The following CMSS1 variants were observed in gnomAD, a reference collection of about 807,000 sequenced individuals.
The protein encoded by CMSS1 is cms1 ribosomal small subunit homolog, also known as protein CMSS1.
CMSS1 carries 33 observed loss-of-function variants against 43.5 expected under a neutral mutation model. The observed-to-expected ratio is 0.76, with a 90% CI of 0.57 to 1.01. The LOEUF is 1.01. CMSS1 is among the 50% of genes least tolerant of loss of function. The pLI is 0.00. For missense variants in CMSS1, 313 were observed against 326.4 expected (o/e 0.96, Z 0.32); for synonymous variants, 115 against 117.2 (o/e 0.98, Z 0.12).
At chr3:100,046,753 C>T (rs2065285021) in intron 1 of CMSS1, among the ~76,000 whole-genome samples, 2 of 152,128 alleles carry the variant, frequency 1.3e-5, no homozygotes, top group Non-Finnish European at 1.5e-5. Context: ...TGGTTTTGAA[C>T]CCTTCAAACC....
rs542919299 is a variant in CMSS1 at position 99,995,028 on chromosome 3, A to G, written c.65-151945A>G. Among the ~76,000 whole-genome samples the G allele has an allele frequency of 4.6e-5, 7 of 152,184 alleles. No homozygotes were observed. The East Asian group carries it at 1.4e-3, about 29-fold the overall frequency. ...CTCATGTCCTCACATTTCAAAACCAATCATGCCTTCCCAACAGCACCCAAA... is the reference window on the plus strand; with the variant it reads ...CTCATGTCCTCACATTTCAAAACCAGTCATGCCTTCCCAACAGCACCCAAA... On this transcript the variant is annotated intron_variant, in intron 1 of 9. Coordinates refer to ENST00000421999, the MANE Select transcript of CMSS1 (RefSeq NM_032359.4).
At chr3:100,173,924 G>A (rs1163536559) in intron 8 of CMSS1, among the ~76,000 whole-genome samples, 1 of 151,972 alleles carries the variant, frequency 6.6e-6, no homozygotes, top group Non-Finnish European at 1.5e-5. Context: ...CGAACAACAG[G>A]GATAGTAATA....
At chr3:99,957,693 CTTTTTTTTTTTTTTTTT>C (rs779350496) in intron 1 of CMSS1, among the ~76,000 whole-genome samples, 3 of 19,894 alleles carry the variant, frequency 1.5e-4, no homozygotes, top group East Asian at 8.8e-4. Flanking sequence ...TTCTTTCTTT[CTTTTTTTTTTTTTTTTT>C]TTTTTTTTTT....
chr3:100,139,543 G>C (rs1242534275), intron 1 of CMSS1, among the ~76,000 whole-genome samples: 9 of 147,992 alleles, frequency 6.1e-5, no homozygotes, highest in Non-Finnish European at 1.3e-4. Context: ...GTGTGTGTGT[G>C]TGTGTGTGTG....
intron 1 of CMSS1, among the ~76,000 whole-genome samples, chr3:99,999,831 T>A (rs1042597313): frequency 1.3e-5 from 2 of 152,088 alleles, no homozygotes; most frequent in African/African-American, 2.4e-5. Flanking sequence ...CTGCTAGATT[T>A]AAAAAAACAA....
chr3:100,120,450 C>G (rs1268237359), intron 1 of CMSS1, among the ~76,000 whole-genome samples: 1 of 152,180 alleles, frequency 6.6e-6, no homozygotes, highest in Non-Finnish European at 1.5e-5. Flanking sequence ...CAGGAAAATA[C>G]ACGAGTTAGA....
At chr3:99,872,007 T>G (rs1944812816) in intron 1 of CMSS1, among the ~76,000 whole-genome samples, 1 of 152,170 alleles carries the variant, frequency 6.6e-6, no homozygotes, top group African/African-American at 2.4e-5. Flanking sequence ...TTAATGGATT[T>G]TATATCTAAA....
chr3:99,904,461 T>A (rs1706545917), intron 1 of CMSS1, among the ~76,000 whole-genome samples: 1 of 152,350 alleles, frequency 6.6e-6, no homozygotes, highest in Admixed American at 6.5e-5. Flanking sequence ...TAGAGCTTTT[T>A]AAAAATATAT....
chr3:99,863,956 G>A (rs72934464), intron 1 of CMSS1, among the ~76,000 whole-genome samples: 9,529 of 152,246 alleles, frequency 0.063, 858 homozygotes, highest in African/African-American at 0.2. Flanking sequence ...CATTGGATCA[G>A]TGTTCTTAAG....
intron 1 of CMSS1, among the ~76,000 whole-genome samples, chr3:99,935,874 C>A (rs1440411601): frequency 7.2e-5 from 11 of 152,234 alleles, no homozygotes; most frequent in Admixed American, 6.5e-4. Flanking sequence ...TGCAAGAGGA[C>A]TAGAAGAGAG....
chr3:99,949,297 A>T (rs1352872528), intron 1 of CMSS1, among the ~76,000 whole-genome samples: 2 of 152,192 alleles, frequency 1.3e-5, no homozygotes, highest in African/African-American at 4.8e-5. Context: ...TATTTGTATG[A>T]TTCAGTTTGT....
intron 1 of CMSS1, among the ~76,000 whole-genome samples, chr3:99,917,232 A>T (rs898220424): frequency 4.6e-5 from 7 of 152,142 alleles, no homozygotes; most frequent in Non-Finnish European, 7.4e-5. Context: ...TTTTTGCCTG[A>T]TCTTCCACAG....
intron 1 of CMSS1, among the ~76,000 whole-genome samples, chr3:99,871,855 T>C (rs1326480121): frequency 6.6e-6 from 1 of 152,190 alleles, no homozygotes; most frequent in South Asian, 2.1e-4. Context: ...ACACTTATTT[T>C]TTATTTTCTC....
chr3:100,042,186 T>C (rs1330606669), intron 1 of CMSS1, among the ~76,000 whole-genome samples: 6 of 152,194 alleles, frequency 3.9e-5, no homozygotes, highest in Admixed American at 3.9e-4. Context: ...TGGCAGTAGA[T>C]GAAAACAATA....
At chr3:100,158,272 C>T (rs2066993386) in intron 2 of CMSS1, among the ~76,000 whole-genome samples, 1 of 152,096 alleles carries the variant, frequency 6.6e-6, no homozygotes, top group Non-Finnish European at 1.5e-5. Context: ...TTAAAAGCAA[C>T]ATTTTTTTAG....
At chr3:100,012,680 C>T (rs2107199514) in intron 1 of CMSS1, among the ~76,000 whole-genome samples, 1 of 151,372 alleles carries the variant, frequency 6.6e-6, no homozygotes, top group Non-Finnish European at 1.5e-5. Flanking sequence ...ATGGTTGCCC[C>T]AATTATAAAA....
chr3:100,014,207 A>T (rs898377060), intron 1 of CMSS1, among the ~76,000 whole-genome samples: 1 of 150,988 alleles, frequency 6.6e-6, no homozygotes, highest in Non-Finnish European at 1.5e-5. Context: ...TATATATATT[A>T]TATATATATC....
chr3:99,834,636 T>C (rs1261493711), intron 1 of CMSS1, among the ~76,000 whole-genome samples: 1 of 152,244 alleles, frequency 6.6e-6, no homozygotes, highest in Non-Finnish European at 1.5e-5. Flanking sequence ...TTTTTTCCTT[T>C]TACTCAGCTT....
At chr3:100,024,018 C>T (rs1012503103) in intron 1 of CMSS1, among the ~76,000 whole-genome samples, 1 of 152,162 alleles carries the variant, frequency 6.6e-6, no homozygotes, top group Non-Finnish European at 1.5e-5. Context: ...CCCCCTTCAG[C>T]TGACAGACTG....
Sources: gnomAD v4.1 joint callset for allele counts (sites outside exome capture counted in the v4.1 genomes callset) on GRCh38, gnomAD v4.1.1 for gene constraint, MANE v1.5 for transcripts, NCBI Gene and HGNC (gene_info 2026-07-23, HGNC 2026-07-21) for gene names.